The following INSL6 variants were observed in gnomAD, a reference collection of about 807,000 sequenced individuals.
INSL6 encodes the protein insulin like 6, also known as insulin-like peptide INSL6.
Under a neutral mutation model 9.4 loss-of-function variants are expected in INSL6, and 16 were observed. The observed-to-expected ratio is 1.70, with a 90% CI of 1.15 to 2.59. The LOEUF is 2.59. Among genes scored for constraint, INSL6 ranks in the 30% most tolerant of loss-of-function variants. The probability of loss-of-function intolerance (pLI) is 0.00; values close to 1 mark genes in which losing one functional copy is unlikely to be tolerated. For synonymous variants in INSL6, 154 were observed against 96.9 expected (o/e 1.59, Z -3.46); for missense variants, 391 against 257.3 (o/e 1.52, Z -3.56).
chr9:5,029,858 T>C, the INSL6 span: 3 of 1,612,216 alleles, frequency 1.9e-6, no homozygotes, highest in Admixed American at 3.3e-5. Flanking sequence ...CCCAACCATG[T>C]CTTCCATATA....
intron 1 of INSL6, among the ~76,000 whole-genome samples, chr9:5,173,270 T>C (rs1825222904): frequency 6.6e-6 from 1 of 152,204 alleles, no homozygotes; most frequent in Non-Finnish European, 1.5e-5. Context: ...TTATTGGGTA[T>C]ATACCCAAAG....
intron 3 of INSL6, chr9:5,126,237 A>G: frequency 1.3e-6 from 1 of 756,234 alleles, no homozygotes; most frequent in Non-Finnish European, 2.2e-6. Context: ...AAAAGCACAC[A>G]TATACTAAAT....
chr9:5,107,727 T>C, the INSL6 span, among the ~76,000 whole-genome samples: 1 of 152,182 alleles, frequency 6.6e-6, no homozygotes, highest in South Asian at 2.1e-4. Context: ...ATCATCCCTA[T>C]GTGCCTAGAA....
intron 2 of INSL6, among the ~76,000 whole-genome samples, chr9:5,135,569 A>T (rs1824374123): frequency 6.6e-6 from 1 of 152,202 alleles, no homozygotes; most frequent in Admixed American, 6.5e-5. Context: ...GTTCTTTGAA[A>T]CCAATAAGAA....
At chr9:5,184,472 A>G (rs1825525132) in intron 1 of INSL6, among the ~76,000 whole-genome samples, 1 of 152,246 alleles carries the variant, frequency 6.6e-6, no homozygotes, top group Non-Finnish European at 1.5e-5. Flanking sequence ...CTTCCTGCAG[A>G]CTGCTTGAAA....
the INSL6 span, among the ~76,000 whole-genome samples, chr9:5,034,514 AG>A: frequency 6.6e-6 from 1 of 152,100 alleles, no homozygotes; most frequent in Non-Finnish European, 1.5e-5. Flanking sequence ...CAAGTGTAAA[AG>A]AACAGAAATT....
At chr9:5,171,657 A>C (rs1825184321) in intron 1 of INSL6, among the ~76,000 whole-genome samples, 1 of 152,214 alleles carries the variant, frequency 6.6e-6, no homozygotes, top group South Asian at 2.1e-4. Context: ...AAGATACAAA[A>C]TCAACGTGCA....
chr9:5,082,339 C>T, the INSL6 span, among the ~76,000 whole-genome samples: 1 of 152,226 alleles, frequency 6.6e-6, no homozygotes, highest in Non-Finnish European at 1.5e-5. Flanking sequence ...AGGGAAGGTA[C>T]TATGCCTGGA....
intron 2 of INSL6, among the ~76,000 whole-genome samples, chr9:5,137,515 G>A (rs878880531): frequency 6.7e-6 from 1 of 149,238 alleles, no homozygotes; most frequent in African/African-American, 2.4e-5. Flanking sequence ...ATATATGGTG[G>A]TGGGAAAATT....
chr9:5,132,261 CAT>C (rs1489786425), intron 3 of INSL6: 3 of 152,104 alleles, frequency 2.0e-5, no homozygotes, highest in African/African-American at 7.2e-5. Flanking sequence ...TTTTCTAAAA[CAT>C]AGTTTGGAAA....
At chr9:5,160,874 C>A (rs1395734390), downstream of INSL6, among the ~76,000 whole-genome samples, 1 of 152,094 alleles carries the variant, frequency 6.6e-6, no homozygotes, top group East Asian at 1.9e-4. Context: ...ATACAACTTA[C>A]CAAGATTAAA....
chr9:5,045,230 C>T, the INSL6 span, among the ~76,000 whole-genome samples: 1 of 151,884 alleles, frequency 6.6e-6, no homozygotes, highest in South Asian at 2.1e-4. Flanking sequence ...ACTTGGTATC[C>T]CCAAGGTATC....
the INSL6 span, among the ~76,000 whole-genome samples, chr9:5,032,167 A>G: frequency 2.6e-5 from 4 of 152,198 alleles, no homozygotes; most frequent in Non-Finnish European, 5.9e-5. Context: ...CAGCAGTCTG[A>G]GATCAAACTG....
the INSL6 span, chr9:5,111,227 G>A: frequency 5.2e-6 from 3 of 574,388 alleles, no homozygotes; most frequent in South Asian, 3.1e-5. Context: ...AGCTAGCGCG[G>A]GCCTATTCCT....
At chr9:5,050,613 A>T in the INSL6 span, 2 of 1,428,828 alleles carry the variant, frequency 1.4e-6, no homozygotes, top group Non-Finnish European at 1.9e-6. Context: ...AATTATGATT[A>T]AAATATAATC....
the INSL6 span, among the ~76,000 whole-genome samples, chr9:5,095,801 T>A: frequency 6.6e-6 from 1 of 152,218 alleles, no homozygotes; most frequent in African/African-American, 2.4e-5. Flanking sequence ...ATGATCCCAG[T>A]ACTAACTTAT....
the INSL6 span, among the ~76,000 whole-genome samples, chr9:5,056,996 A>C: frequency 1.3e-5 from 2 of 152,222 alleles, no homozygotes; most frequent in African/African-American, 4.8e-5. Flanking sequence ...AAGCTCCTTA[A>C]AAATATTATA....
At chr9:5,090,331 G>C in the INSL6 span, 1 of 749,018 alleles carries the variant, frequency 1.3e-6, no homozygotes, top group Non-Finnish European at 1.9e-6. Flanking sequence ...GTATAATAAA[G>C]TTTTGTCATC....
the INSL6 span, among the ~76,000 whole-genome samples, chr9:5,088,112 C>G: frequency 7.2e-5 from 11 of 152,118 alleles, no homozygotes; most frequent in African/African-American, 1.7e-4. Context: ...TTTTATTATT[C>G]TCCACTTTAA....
Sources: gnomAD v4.1 joint callset for allele counts (sites outside exome capture counted in the v4.1 genomes callset) on GRCh38, gnomAD v4.1.1 for gene constraint, MANE v1.5 for transcripts, NCBI Gene and HGNC (gene_info 2026-07-23, HGNC 2026-07-21) for gene names.